The following FRAS1 variants were observed in gnomAD, a reference collection of about 807,000 sequenced individuals.
The protein encoded by FRAS1 is Fraser extracellular matrix complex subunit 1.
FRAS1 carries 290 observed loss-of-function variants against 435.2 expected under a neutral mutation model. The observed-to-expected ratio is 0.67, with a 90% confidence interval of 0.61 to 0.73. The LOEUF (loss-of-function observed/expected upper bound fraction) is 0.73. Among genes scored for constraint, FRAS1 ranks in the 30% least tolerant of loss-of-function variants. FRAS1 has a pLI of 0.00. For missense variants in FRAS1, 4,860 were observed against 5,001.5 expected, an observed-to-expected ratio of 0.97 and a Z score of 0.85; for synonymous variants, 1,800 against 1,851.0, an observed-to-expected ratio of 0.97 and a Z score of 0.71.
rs780598622 is a variant in FRAS1, at chr4:78,315,604, A to G, written c.1689A>G (p.Gln563=). The G allele has an allele frequency of 6.8e-6, 11 of 1,611,426 alleles. No homozygotes were observed. The East Asian group carries it at 2.0e-4, about 29-fold the overall frequency. ...TTTGCCTCCCCTTAGCTTGTGACCA[A>G]TCCTGTGACAGTTGTGGCCCCAGTA... ...NRQGTCSACD[Q]SCDSCGPSSP... The change falls in exon 16 of 74, where the codon CAA becomes CAG. Residue 563 remains glutamine (Q), a synonymous_variant. Coordinates refer to ENST00000512123, the MANE Select transcript of FRAS1 (RefSeq NM_025074.7).
In FRAS1 at chr4:78,315,582, G is replaced by T; in HGVS notation, c.1679-12G>T. On this transcript the variant is annotated splice_polypyrimidine_tract_variant and intron_variant, in intron 15 of 73. Transcript: ENST00000512123. ...ATTGCCTTTCTCTGATGGGTTTTTT[G>T]CCTCCCCTTAGCTTGTGACCAATCC... 1.3e-6 allele frequency: 2 copies of T among 1,589,006 alleles called. No individual in the cohort carries two copies. The highest frequency in any genetic ancestry group is 1.7e-6 in the Non-Finnish European group (2 of 1,168,014).
At chr4:78,526,199 C>T (rs1351697282) in intron 69 of FRAS1, among the ~76,000 whole-genome samples, 1 of 152,194 alleles carries the variant, frequency 6.6e-6, no homozygotes, top group African/African-American at 2.4e-5. Flanking sequence ...AATTGTCAAA[C>T]AAGTCTCATG....
intron 14 of FRAS1, among the ~76,000 whole-genome samples, chr4:78,300,542 G>A (rs1728336874): frequency 6.6e-6 from 1 of 152,060 alleles, no homozygotes; most frequent in South Asian, 2.1e-4. Context: ...GGGTCATGCA[G>A]TAGACTCTGT....
At chr4:78,428,957 A>T in intron 35 of FRAS1, 138 bp from the exon 36 acceptor site, 1 of 712,062 alleles carries the variant, frequency 1.4e-6, no homozygotes, top group Non-Finnish European at 2.3e-6. Flanking sequence ...AGGTTAAAGT[A>T]GTGCAAAAAA....
intron 20 of FRAS1, among the ~76,000 whole-genome samples, chr4:78,360,204 A>G (rs1363959756): frequency 1.3e-5 from 2 of 152,218 alleles, no homozygotes; most frequent in Admixed American, 1.3e-4. Flanking sequence ...TGCTCAGTCA[A>G]CAGTGCCTTG....
intron 2 of FRAS1, among the ~76,000 whole-genome samples, chr4:78,098,109 G>A (rs1045140339): frequency 1.3e-5 from 2 of 152,160 alleles, no homozygotes; most frequent in Non-Finnish European, 2.9e-5. Flanking sequence ...ATCATATAGT[G>A]TGGAAAGAGT....
At chr4:78,443,233 C>T (rs1734729671) in intron 41 of FRAS1, among the ~76,000 whole-genome samples, 1 of 152,176 alleles carries the variant, frequency 6.6e-6, no homozygotes, top group South Asian at 2.1e-4. Context: ...TGGCACATGC[C>T]TGTAGTCCCA....
At chr4:78,270,847 C>G (rs1239492878) in intron 9 of FRAS1, among the ~76,000 whole-genome samples, 1 of 152,118 alleles carries the variant, frequency 6.6e-6, no homozygotes, top group Non-Finnish European at 1.5e-5. Context: ...GTAAATGCAT[C>G]TGCTTTCTAT....
At chr4:78,431,397 C>T (rs900467654) in intron 37 of FRAS1, among the ~76,000 whole-genome samples, 2 of 152,074 alleles carry the variant, frequency 1.3e-5, no homozygotes, top group African/African-American at 4.8e-5. Context: ...AATCTAAAGG[C>T]GTTGATAAAA....
intron 59 of FRAS1, among the ~76,000 whole-genome samples, chr4:78,495,238 T>G (rs1720478362): frequency 6.6e-6 from 1 of 152,114 alleles, no homozygotes; most frequent in Non-Finnish European, 1.5e-5. Context: ...TTAGACATTT[T>G]AGGTATTAAT....
chr4:78,525,624 G>C (rs917437468), intron 69 of FRAS1, among the ~76,000 whole-genome samples: 3 of 152,220 alleles, frequency 2.0e-5, no homozygotes, highest in African/African-American at 7.2e-5. Context: ...GCATTTATGA[G>C]AACTGTTCAC....
At chr4:78,371,602 G>T (rs1731511093) in intron 23 of FRAS1, among the ~76,000 whole-genome samples, 1 of 152,102 alleles carries the variant, frequency 6.6e-6, no homozygotes, top group Non-Finnish European at 1.5e-5. Flanking sequence ...GAGAAACCAG[G>T]ATAATATAGA....
intron 2 of FRAS1, among the ~76,000 whole-genome samples, chr4:78,192,356 G>T (rs777938964): frequency 6.6e-6 from 1 of 152,184 alleles, no homozygotes; most frequent in Non-Finnish European, 1.5e-5. Flanking sequence ...AGAAGGAATG[G>T]TACCAGCTCC....
intron 28 of FRAS1, among the ~76,000 whole-genome samples, chr4:78,384,620 G>T (rs1005451355): frequency 6.6e-6 from 1 of 152,048 alleles, no homozygotes; most frequent in African/African-American, 2.4e-5. Context: ...TTGGCAGGGT[G>T]CAGTGGCTCA....
At chr4:78,181,906 C>T (rs1237264657) in intron 2 of FRAS1, 1 of 1,610,756 alleles carries the variant, frequency 6.2e-7, no homozygotes, top group African/African-American at 1.3e-5. Context: ...CCCCAGGGCC[C>T]CCAACGCCAC....
At chr4:78,136,158 T>C (rs2903452) in intron 2 of FRAS1, among the ~76,000 whole-genome samples, 25,222 of 152,194 alleles carry the variant, frequency 0.17, 2,269 homozygotes, top group Admixed American at 0.2. Flanking sequence ...TAGACAGCAC[T>C]GCAGCACTGT....
At chr4:78,502,053 C>T (rs1399007889) in intron 61 of FRAS1, among the ~76,000 whole-genome samples, 1 of 152,118 alleles carries the variant, frequency 6.6e-6, no homozygotes, top group African/African-American at 2.4e-5. Context: ...TTTCTGAGGC[C>T]TCTGTTCCGT....
chr4:78,264,750 G>T (rs895098428), intron 6 of FRAS1: 2 of 456,674 alleles, frequency 4.4e-6, no homozygotes, highest in Non-Finnish European at 8.2e-6. Flanking sequence ...GTGCCTGGAA[G>T]ACACCAAGAA....
chr4:78,097,216 C>A (rs1461148738), intron 2 of FRAS1, among the ~76,000 whole-genome samples: 1 of 152,214 alleles, frequency 6.6e-6, no homozygotes, highest in Non-Finnish European at 1.5e-5. Context: ...CTGAGACCAC[C>A]TCAGCCTGGA....
Sources: gnomAD v4.1 joint callset for allele counts (sites outside exome capture counted in the v4.1 genomes callset) on GRCh38, gnomAD v4.1.1 for gene constraint, MANE v1.5 for transcripts, NCBI Gene and HGNC (gene_info 2026-07-23, HGNC 2026-07-21) for gene names.